The following PDS5A variants were observed in gnomAD, a reference collection of about 807,000 sequenced individuals.
PDS5A encodes the protein sister chromatid cohesion protein PDS5 homolog A.
Under a neutral mutation model 167.1 loss-of-function variants are expected in PDS5A, and 42 were observed. The ratio of observed to expected loss-of-function variants is 0.25; its 90% CI spans 0.20 to 0.33. The LOEUF (loss-of-function observed/expected upper bound fraction) is 0.33, where lower values mean the gene tolerates loss of function less well. PDS5A is among the 10% of genes least tolerant of loss of function. PDS5A has a pLI of 1.00. For missense variants in PDS5A, 1,033 were observed against 1,605.9 expected, an observed-to-expected ratio of 0.64 and a Z score of 6.10; for synonymous variants, 553 against 554.6, an observed-to-expected ratio of 1.00 and a Z score of 0.04.
At chr4:39,941,849 A>G (rs1344600148) in intron 2 of PDS5A, among the ~76,000 whole-genome samples, 4 of 152,202 alleles carry the variant, frequency 2.6e-5, no homozygotes, top group Non-Finnish European at 5.9e-5. Context: ...TGAGGCCAAG[A>G]GTTCAAGTTC....
chr4:39,866,415 C>T lies in PDS5A; in HGVS notation c.2642+446G>A, dbSNP rs140056968. Among the ~76,000 whole-genome samples the T allele has an allele frequency of 4.1e-3, 625 of 152,326 alleles. 3 individuals are homozygous for T. The highest frequency in any genetic ancestry group is 0.015 in the African/African-American group (605 of 41,566). On this transcript the variant is annotated intron_variant, in intron 23 of 32. Coordinates refer to ENST00000303538, the MANE Select transcript of PDS5A (RefSeq NM_001100399.2). ...TACAGGCATAGGCCACCGCGCCTGG[C>T]TGCCACTTAAATTTTTATTACTTTC...
intron 2 of PDS5A, among the ~76,000 whole-genome samples, chr4:39,942,841 T>G (rs1727351293): frequency 6.6e-6 from 1 of 152,154 alleles, no homozygotes; most frequent in Admixed American, 6.5e-5. Context: ...TCGTGTCTTC[T>G]CAAGAAGACA....
chr4:39,838,978 A>G (rs924068107), intron 31 of PDS5A, among the ~76,000 whole-genome samples: 11 of 152,082 alleles, frequency 7.2e-5, no homozygotes, highest in Non-Finnish European at 1.3e-4. Flanking sequence ...ACAAGAGCAA[A>G]ACTCTGTCTT....
At chr4:39,896,862 G>C (rs1452495821) in intron 16 of PDS5A, among the ~76,000 whole-genome samples, 3 of 150,780 alleles carry the variant, frequency 2.0e-5, no homozygotes, top group African/African-American at 7.3e-5. Context: ...GGATCACCAA[G>C]ATGTCACTAG....
chr4:39,831,239 G>A (rs1488566078), intron 32 of PDS5A, among the ~76,000 whole-genome samples: 1 of 152,006 alleles, frequency 6.6e-6, no homozygotes. Flanking sequence ...GCTGGGACTA[G>A]AGGCGCGTGC....
At chr4:39,883,593 ACTTTT>A (rs1203906597) in intron 17 of PDS5A, among the ~76,000 whole-genome samples, 1 of 152,044 alleles carries the variant, frequency 6.6e-6, no homozygotes, top group African/African-American at 2.4e-5. Context: ...TTTTTCTGTT[ACTTTT>A]CTTTTGAGGC....
Position 39,898,824 on chromosome 4 carries a change from G to C in PDS5A, c.1583C>G (p.Ser528Ter). 1 of 1,585,562 alleles carries C rather than the reference G, an allele frequency of 6.3e-7. No homozygotes were observed. Among genetic ancestry groups the C allele is most frequent in the South Asian group, 1.1e-5 (1 of 87,218 alleles). Residue 528 changes from serine (S) to a stop codon, truncating the protein, a stop_gained and splice_region_variant, in exon 15 of 33, where the codon TCA becomes TGA. Coordinates refer to ENST00000303538, the MANE Select transcript of PDS5A (RefSeq NM_001100399.2). LOFTEE classifies it high-confidence loss of function. ...AAACATGGCAGAACAGTTAGCCTCTGACTGAAATTTAAAACAGAAACAAAA... is the reference window on the plus strand; with the variant it reads ...AAACATGGCAGAACAGTTAGCCTCTCACTGAAATTTAAAACAGAAACAAAA... The part of the protein sequence containing the change: ...ELLDLHKQPT[S>*]EANCSAMFGK...
intron 2 of PDS5A, among the ~76,000 whole-genome samples, chr4:39,940,041 TG>T (rs767795606): frequency 2.0e-5 from 3 of 152,060 alleles, no homozygotes; most frequent in Non-Finnish European, 2.9e-5. Context: ...GAGAATCACT[TG>T]AAGTCAGGAG....
At chr4:39,903,216 A>AC (rs1032643484) in intron 12 of PDS5A, among the ~76,000 whole-genome samples, 6 of 151,812 alleles carry the variant, frequency 4.0e-5, no homozygotes, top group Non-Finnish European at 4.4e-5. Context: ...AAACAGGGGG[A>AC]CCCCCCTTCA....
chr4:39,913,836 G>C, intron 8 of PDS5A, 110 bp from the exon 9 acceptor site: 1 of 672,950 alleles, frequency 1.5e-6, no homozygotes, highest in African/African-American at 1.8e-5. Context: ...TTATAACTGT[G>C]AGAAGTTTAA....
intron 2 of PDS5A, among the ~76,000 whole-genome samples, chr4:39,947,759 T>G (rs1488084363): frequency 2.0e-5 from 3 of 152,192 alleles, no homozygotes; most frequent in African/African-American, 4.8e-5. Context: ...AACCCACTTT[T>G]TGGGTAACTA....
intron 20 of PDS5A, among the ~76,000 whole-genome samples, chr4:39,873,522 G>A (rs1053980157): frequency 6.6e-6 from 1 of 152,044 alleles, no homozygotes; most frequent in Non-Finnish European, 1.5e-5. Context: ...CAAAGTAAGA[G>A]TTCACTGGGT....
At chr4:39,951,793 A>G (rs1396119505) in intron 2 of PDS5A, among the ~76,000 whole-genome samples, 2 of 150,762 alleles carry the variant, frequency 1.3e-5, no homozygotes, top group Admixed American at 1.3e-4. Context: ...CCAGCTACTC[A>G]GGAGGCTGAG....
At chr4:39,926,385 G>C (rs1418809488) in intron 4 of PDS5A, among the ~76,000 whole-genome samples, 2 of 151,978 alleles carry the variant, frequency 1.3e-5, no homozygotes, top group Admixed American at 6.6e-5. Context: ...GTGCGTGGTG[G>C]TGTATGCCTG....
chr4:39,894,999 G>A (rs192993264), intron 16 of PDS5A, among the ~76,000 whole-genome samples: 12 of 151,868 alleles, frequency 7.9e-5, no homozygotes, highest in East Asian at 3.9e-4. Context: ...AGGCCGAGGC[G>A]GGCGGATCAC....
At chr4:39,883,017 T>A (rs989876199) in intron 17 of PDS5A, among the ~76,000 whole-genome samples, 2 of 152,100 alleles carry the variant, frequency 1.3e-5, no homozygotes, top group Non-Finnish European at 2.9e-5. Context: ...TCTTCTAATT[T>A]TCCATACCTA....
intron 2 of PDS5A, among the ~76,000 whole-genome samples, chr4:39,929,422 C>T (rs1004282615): frequency 1.3e-5 from 2 of 150,910 alleles, no homozygotes; most frequent in Non-Finnish European, 2.9e-5. Context: ...AAACATCAGA[C>T]TCCAAGTTCT....
chr4:39,867,305 TA>T (rs1294728871), intron 22 of PDS5A, among the ~76,000 whole-genome samples: 4 of 152,150 alleles, frequency 2.6e-5, no homozygotes, highest in African/African-American at 9.7e-5. Context: ...ATAACTTGCT[TA>T]AAAGTCTGGT....
At chr4:39,856,858 T>C (rs1374719389) in intron 26 of PDS5A, among the ~76,000 whole-genome samples, 1 of 151,588 alleles carries the variant, frequency 6.6e-6, no homozygotes, top group African/African-American at 2.4e-5. Flanking sequence ...GGAAAATGCA[T>C]AAAACAGTAA....
Sources: gnomAD v4.1 joint callset for allele counts (sites outside exome capture counted in the v4.1 genomes callset) on GRCh38, gnomAD v4.1.1 for gene constraint, MANE v1.5 for transcripts, NCBI Gene and HGNC (gene_info 2026-07-23, HGNC 2026-07-21) for gene names.